STT3A: variants seen among roughly 807,000 people sequenced by gnomAD.
The protein encoded by STT3A is STT3 oligosaccharyltransferase complex catalytic subunit A.
In STT3A, 34 loss-of-function variants were observed where a neutral mutation model predicts 89.2. The observed-to-expected ratio is 0.38, with a 90% CI of 0.29 to 0.51. The LOEUF (loss-of-function observed/expected upper bound fraction) is 0.51. Among genes scored for constraint, STT3A ranks in the 20% least tolerant of loss-of-function variants. The pLI is 0.89. For synonymous variants in STT3A, 282 were observed against 310.3 expected (o/e 0.91, Z 0.96); for missense variants, 555 against 889.5 (o/e 0.62, Z 4.78).
chr11:125,600,096 G>T (rs1021421419), intron 3 of STT3A, among the ~76,000 whole-genome samples: 1 of 147,538 alleles, frequency 6.8e-6, no homozygotes, highest in South Asian at 2.1e-4. Flanking sequence ...TGTTGCCCAG[G>T]CTGGAGTGCA....
rs770100120 is a variant in STT3A, at chr11:125,606,298, T to C, written c.616-3T>C. ...GGAACTGTTTTTTTCTATTCCATCA[T>C]AGGTCTCGTCATGGGGAGGTTATGT... is the stretch of plus-strand genomic sequence containing the variant. On this transcript the variant is annotated splice_region_variant and splice_polypyrimidine_tract_variant and intron_variant, in intron 7 of 17. Transcript: ENST00000392708. 6 of 1,612,918 alleles carry C rather than the reference T, an allele frequency of 3.7e-6. No individual in the cohort carries two copies. Among genetic ancestry groups the C allele is most frequent in the Non-Finnish European group, 4.2e-6 (5 of 1,179,588 alleles).
At chr11:125,597,941 C>T (rs761351578) in intron 3 of STT3A, among the ~76,000 whole-genome samples, 10 of 152,080 alleles carry the variant, frequency 6.6e-5, no homozygotes, top group Non-Finnish European at 1.2e-4. Context: ...CCACTGGGCA[C>T]GGTGGCTCAC....
Position 125,614,326 on chromosome 11 carries a change from A to C in STT3A, c.1674A>C (p.Ala558=), listed in dbSNP as rs1940110017. ...NNTHISRVGQ[A]MASTEEKAYE... Reference sequence around the variant, plus strand: ...GAATTGTACATTTGTTTTTCCAGGCAATGGCGTCCACAGAGGAAAAAGCCT... The same window carrying C: ...GAATTGTACATTTGTTTTTCCAGGCCATGGCGTCCACAGAGGAAAAAGCCT... The change falls in exon 15 of 18, where the codon GCA becomes GCC. Residue 558 remains alanine, a splice_region_variant and synonymous_variant. Transcript: ENST00000392708. The surrounding 1 kb of genome is among the most constrained non-coding windows in gnomAD (Gnocchi z 4.9). 1 of 1,614,114 alleles carries C rather than the reference A, an allele frequency of 6.2e-7. No individual in the cohort carries two copies. The highest frequency in any genetic ancestry group is 8.5e-7 in the Non-Finnish European group (1 of 1,180,010).
At chr11:125,618,020 C>G (rs546738770) in intron 15 of STT3A, among the ~76,000 whole-genome samples, 2 of 152,190 alleles carry the variant, frequency 1.3e-5, no homozygotes, top group Non-Finnish European at 2.9e-5. Context: ...TTTATACTTA[C>G]AGTACATCTT....
At chr11:125,610,014 T>C (rs1207990875) in intron 10 of STT3A, 1 of 155,936 alleles carries the variant, frequency 6.4e-6, no homozygotes, top group Non-Finnish European at 1.4e-5. Flanking sequence ...TTTTAGAATT[T>C]ACCGGTGTTA....
At chr11:125,603,305 A>G (rs1407396935) in intron 5 of STT3A, 1 of 177,270 alleles carries the variant, frequency 5.6e-6, no homozygotes, top group East Asian at 1.5e-4. Context: ...TTTTCCTACC[A>G]GGAATGTACT....
Position 125,613,597 on chromosome 11 carries a change from G to GATTT in STT3A, c.1554+421_1554+424dup, listed in dbSNP as rs1028606702. On this transcript the variant is annotated intron_variant, in intron 13 of 17. Transcript: ENST00000392708. This position sits in a 1 kb window ranked among gnomAD's most constrained non-coding sequence, Gnocchi z 4.2. ...TTTATATCTTTTGAGAATCTGAAGT[G>GATTT]ATTTCCTTTACAATAACTATTAGGA... 1.2e-5 allele frequency: 2 copies of GATTT among 165,846 alleles called. No homozygotes were observed. Among genetic ancestry groups the GATTT allele is most frequent in the African/African-American group, 4.8e-5 (2 of 41,696 alleles). The allele number at this position is 165,846 out of a possible 1,614,324, so 10.3% of individuals were successfully genotyped here. A position where few individuals can be genotyped will look rare whatever the true frequency, so the allele number is the denominator to read the frequency against.
chr11:125,598,718 C>G (rs1397895222), intron 3 of STT3A, among the ~76,000 whole-genome samples: 1 of 152,122 alleles, frequency 6.6e-6, no homozygotes, highest in Non-Finnish European at 1.5e-5. Context: ...GATCCCCCCA[C>G]CTCAGTTTCC....
intron 9 of STT3A, among the ~76,000 whole-genome samples, chr11:125,609,040 C>G (rs1475390233): frequency 6.6e-6 from 1 of 152,164 alleles, no homozygotes; most frequent in Non-Finnish European, 1.5e-5. Context: ...TTTTTCTCTA[C>G]TTTGCTTTCT....
At chr11:125,605,878 T>A in intron 7 of STT3A, 143 bp downstream of exon 7, 1 of 635,234 alleles carries the variant, frequency 1.6e-6, no homozygotes, top group Non-Finnish European at 2.7e-6. Flanking sequence ...TGTTCATACT[T>A]ACGTATACAT....
chr11:125,595,467 C>T (rs76778050), intron 1 of STT3A, among the ~76,000 whole-genome samples: 5 of 152,084 alleles, frequency 3.3e-5, no homozygotes, highest in Middle Eastern at 3.2e-3. Context: ...TGCTTCCCCC[C>T]CTCCGCCCCT....
chr11:125,605,569 A>G (rs921548263), intron 6 of STT3A, 60 bp from the exon 7 acceptor site: 5 of 1,264,236 alleles, frequency 4.0e-6, no homozygotes, highest in Non-Finnish European at 5.7e-6. Flanking sequence ...CCAGAACAGT[A>G]TTCTTAATGA....
Position 125,600,144 on chromosome 11 carries a change from G to A in STT3A, c.150-2159G>A, listed in dbSNP as rs1175376943. Reference sequence around the variant, plus strand: ...CAGCTCACCACAACCTCTGCCTCCCGGGTTCAAGCGATTCTCCTGCCTCAG... The same window carrying A: ...CAGCTCACCACAACCTCTGCCTCCCAGGTTCAAGCGATTCTCCTGCCTCAG... On this transcript the variant is annotated intron_variant, in intron 3 of 17. Transcript: ENST00000392708. Among the ~76,000 whole-genome samples the A allele has an allele frequency of 1.7e-4, 25 of 147,708 alleles. 1 individual carries two copies. Among genetic ancestry groups the A allele is most frequent in the African/African-American group, 5.5e-4 (22 of 39,920 alleles).
At chr11:125,602,659 T>A in intron 4 of STT3A, 144 bp from the exon 5 acceptor site, 1 of 1,189,624 alleles carries the variant, frequency 8.4e-7, no homozygotes, top group Non-Finnish European at 1.2e-6. Context: ...GAGAAATTTA[T>A]AGGCTTACTG....
At chr11:125,604,089 A>C (rs1939766708) in intron 5 of STT3A, 68 bp from the exon 6 acceptor site, 22 of 1,458,398 alleles carry the variant, frequency 1.5e-5, no homozygotes, top group Non-Finnish European at 1.8e-5. Flanking sequence ...AGAATGGACT[A>C]GTGGATCCTC....
intron 16 of STT3A, among the ~76,000 whole-genome samples, chr11:125,619,734 A>G (rs908411918): frequency 6.6e-6 from 1 of 152,112 alleles, no homozygotes; most frequent in Non-Finnish European, 1.5e-5. Context: ...CTAAATGACA[A>G]TCCTCAGGAA....
chr11:125,611,150 A>T (rs1940002138), intron 10 of STT3A: 1 of 240,844 alleles, frequency 4.2e-6, no homozygotes, highest in Non-Finnish European at 8.2e-6. Flanking sequence ...ACATAATCTC[A>T]TGCAGCAATA....
At chr11:125,604,032 C>A in intron 5 of STT3A, 125 bp from the exon 6 acceptor site, 1 of 958,580 alleles carries the variant, frequency 1.0e-6, no homozygotes, top group Non-Finnish European at 1.6e-6. Flanking sequence ...TAACATCTCA[C>A]ATCTACCTTC....
chr11:125,602,712 A>C, intron 4 of STT3A, 91 bp from the exon 5 acceptor site: 1 of 1,528,192 alleles, frequency 6.5e-7, no homozygotes, highest in East Asian at 2.3e-5. Flanking sequence ...CAAGACTTAC[A>C]TAGTCACTTT....
Sources: gnomAD v4.1 joint callset for allele counts (sites outside exome capture counted in the v4.1 genomes callset) on GRCh38, gnomAD v4.1.1 for gene constraint, Gnocchi (gnomAD v3.1) non-coding constraint, MANE v1.5 for transcripts, NCBI Gene and HGNC (gene_info 2026-07-23, HGNC 2026-07-21) for gene names.